SNN: variants seen among roughly 807,000 people sequenced by gnomAD.
SNN encodes the protein stannin.
In SNN, 5 loss-of-function variants were observed where a neutral mutation model predicts 5.3. That is an observed-to-expected ratio of 0.94 (90% CI 0.49 to 1.97). The LOEUF (loss-of-function observed/expected upper bound fraction) is 1.97, where lower values mean the gene tolerates loss of function less well. SNN is among the 30% of genes most tolerant of loss of function. SNN has a pLI of 0.01. For missense variants in SNN, 127 were observed against 121.6 expected (o/e 1.04, Z -0.21); for synonymous variants, 67 against 52.1 (o/e 1.29, Z -1.24).
At chr16:11,670,258 G>T (rs1386464604) in intron 1 of SNN, among the ~76,000 whole-genome samples, 1 of 152,182 alleles carries the variant, frequency 6.6e-6, no homozygotes, top group African/African-American at 2.4e-5. Flanking sequence ...GGGATGGCTG[G>T]TCCCCTGTAA....
intron 1 of SNN, among the ~76,000 whole-genome samples, chr16:11,669,592 G>A (rs2050253177): frequency 2.0e-5 from 3 of 152,204 alleles, no homozygotes; most frequent in Admixed American, 6.5e-5. Flanking sequence ...GTTGTCTTGA[G>A]GCAGAAAGGA....
rs1023171005 is a variant in SNN, at chr16:11,671,704, G to C, written c.-86+3164G>C. 1.3e-5 allele frequency among the ~76,000 whole-genome samples: 2 copies of C among 152,208 alleles called. No individual in the cohort carries two copies. Among genetic ancestry groups the C allele is most frequent in the Non-Finnish European group, 2.9e-5 (2 of 68,036 alleles). On this transcript the variant is annotated intron_variant, in intron 1 of 1. Transcript: ENST00000329565. This position sits in a 1 kb window ranked among gnomAD's most constrained non-coding sequence, Gnocchi z 4.7. ...GGCCCGTCCCTGTCCCCTGCATCCTGTGGGCTTTACTGGATCAGGGCGAGG... is the reference window on the plus strand; with the variant it reads ...GGCCCGTCCCTGTCCCCTGCATCCTCTGGGCTTTACTGGATCAGGGCGAGG...
chr16:11,676,294 A>T lies in SNN; in HGVS notation c.235A>T (p.Met79Leu), dbSNP rs778111679. 11 of 1,614,002 alleles carry T rather than the reference A, an allele frequency of 6.8e-6. No homozygotes were observed. The Admixed American group carries it at 1.8e-4, about 27-fold the overall frequency. Residue 79 changes from methionine to leucine, a missense_variant, in exon 2 of 2, where the codon ATG becomes TTG. Physicochemically the swap from Met to Leu is conservative, Grantham distance 15. Coordinates refer to ENST00000329565, the MANE Select transcript of SNN (RefSeq NM_003498.6). ...GPCVERKAKL[M>L]TPNGPEVHG ...GTGCGTGGAGAGAAAGGCCAAGCTG[A>T]TGACTCCCAACGGCCCGGAAGTCCA...
At position 11,671,997 on chromosome 16, in the gene SNN, T is replaced by G. The variant is rs2050268950; in HGVS notation, c.-86+3457T>G. Among the ~76,000 whole-genome samples the G allele has an allele frequency of 6.6e-6, 1 of 152,218 alleles. No individual in the cohort carries two copies. Among genetic ancestry groups the G allele is most frequent in the African/African-American group, 2.4e-5 (1 of 41,458 alleles). On this transcript the variant is annotated intron_variant, in intron 1 of 1. Transcript: ENST00000329565. The surrounding 1 kb of genome is among the most constrained non-coding windows in gnomAD (Gnocchi z 4.7). ...AGGCCTGCAGCCTTCTCCCATGCAG[T>G]CTGCCGGCTTTTTTGAGTCTGTTGG...
chr16:11,676,021 C>A lies in SNN; in HGVS notation c.-39C>A. 6.5e-7 allele frequency: 1 copy of A among 1,542,730 alleles called. No individual in the cohort carries two copies. The highest frequency in any genetic ancestry group is 8.8e-7 in the Non-Finnish European group (1 of 1,142,182). The stretch of plus-strand genomic sequence containing the variant: ...TTCCAGCCTCACTGAGTGGCCACCC[C>A]CAAAGTGCTGCCAGCCGAGGAAGCC... On this transcript the variant is annotated 5_prime_UTR_variant, in exon 2 of 2. Transcript: ENST00000329565.
Position 11,672,558 on chromosome 16 carries a change from G to C in SNN, c.-85-3417G>C, listed in dbSNP as rs2050272359. Among the ~76,000 whole-genome samples, 1 of 152,210 alleles carries C rather than the reference G, an allele frequency of 6.6e-6. No individual in the cohort carries two copies. The highest frequency in any genetic ancestry group is 2.4e-5 in the African/African-American group (1 of 41,450). ...TTGGTGCTGGGGAGGATTCTGAGTGGGGAGAACGCCATCACATTTTTGCAA... is the reference window on the plus strand; with the variant it reads ...TTGGTGCTGGGGAGGATTCTGAGTGCGGAGAACGCCATCACATTTTTGCAA... On this transcript the variant is annotated intron_variant, in intron 1 of 1. Transcript: ENST00000329565. This position sits in a 1 kb window ranked among gnomAD's most constrained non-coding sequence, Gnocchi z 6.0.
rs1384858905 is a variant in SNN at position 11,678,931 on chromosome 16, T to C, written c.*2605T>C. 8.6e-6 allele frequency: 4 copies of C among 465,544 alleles called. No individual in the cohort carries two copies. Among genetic ancestry groups the C allele is most frequent in the Non-Finnish European group, 1.6e-5 (4 of 253,218 alleles). The allele number at this position is 465,544 out of a possible 1,614,324, so 28.8% of individuals were successfully genotyped here. The stretch of plus-strand genomic sequence containing the variant: ...CAGTGGGGGCACAGGGAGGGAACTC[T>C]TGACACTGAGCCACTAAAATATGGA... On this transcript the variant is annotated 3_prime_UTR_variant, in exon 2 of 2. Transcript: ENST00000329565.
intron 1 of SNN, among the ~76,000 whole-genome samples, chr16:11,670,220 G>T (rs994276025): frequency 5.9e-5 from 8 of 136,004 alleles, no homozygotes; most frequent in African/African-American, 2.1e-4. Flanking sequence ...GTGGCTTTAT[G>T]GGGGGAGGCA....
rs1381807574 is a variant in SNN at position 11,679,068 on chromosome 16, T to C, written c.*2742T>C. 10 of 1,026,260 alleles carry C rather than the reference T, an allele frequency of 9.7e-6. No homozygotes were observed. Among genetic ancestry groups the C allele is most frequent in the Non-Finnish European group, 1.4e-5 (10 of 710,960 alleles). The allele number at this position is 1,026,260 out of a possible 1,614,324, so 63.6% of individuals were successfully genotyped here. A position where few individuals can be genotyped will look rare whatever the true frequency, so the allele number is the denominator to read the frequency against. On this transcript the variant is annotated 3_prime_UTR_variant, in exon 2 of 2. Transcript: ENST00000329565. The surrounding 1 kb of genome is among the most constrained non-coding windows in gnomAD (Gnocchi z 4.6). ...TCATCCTTCTTCAATAAATGCTGAA[T>C]GACATTCAAGCTGATTTTCTAGACC...
At chr16:11,673,715 C>G (rs1255202822) in intron 1 of SNN, among the ~76,000 whole-genome samples, 1 of 152,202 alleles carries the variant, frequency 6.6e-6, no homozygotes, top group African/African-American at 2.4e-5. Flanking sequence ...TGGGCAGGGG[C>G]AACTGCCTGG....
rs1018634619 is a variant in SNN, at chr16:11,672,482, C to T, written c.-85-3493C>T. Among the ~76,000 whole-genome samples, 1 of 152,090 alleles carries T rather than the reference C, an allele frequency of 6.6e-6. No homozygotes were observed. The highest frequency in any genetic ancestry group is 2.4e-5 in the African/African-American group (1 of 41,404). ...CAGGGCAGAGGTGGGAGCGTGGGCT[C>T]GCAGCGGAGGGTGTGGGGACGCCTG... On this transcript the variant is annotated intron_variant, in intron 1 of 1. Transcript: ENST00000329565. The surrounding 1 kb of genome is among the most constrained non-coding windows in gnomAD (Gnocchi z 6.0).
intron 1 of SNN, among the ~76,000 whole-genome samples, chr16:11,674,736 C>G (rs904458921): frequency 7.2e-5 from 11 of 152,236 alleles, no homozygotes; most frequent in African/African-American, 2.2e-4. Flanking sequence ...CCTTCAGAGC[C>G]TTAGCCCTCA....
Position 11,679,135 on chromosome 16 carries a change from G to C in SNN, c.*2809G>C, listed in dbSNP as rs2050337822. On this transcript the variant is annotated 3_prime_UTR_variant, in exon 2 of 2. Coordinates refer to ENST00000329565, the MANE Select transcript of SNN (RefSeq NM_003498.6). The surrounding 1 kb of genome is among the most constrained non-coding windows in gnomAD (Gnocchi z 4.6). ...TTTACAATAAATTTCAATAAAATTT[G>C]CATAAATATATTCCCAATGTACAAT... is the stretch of plus-strand genomic sequence containing the variant. 1 of 1,511,248 alleles carries C rather than the reference G, an allele frequency of 6.6e-7. No homozygotes were observed. The allele number at this position is 1,511,248 out of a possible 1,614,324, so 93.6% of individuals were successfully genotyped here.
Position 11,672,255 on chromosome 16 carries a change from C to T in SNN, c.-86+3715C>T, listed in dbSNP as rs1200217140. Among the ~76,000 whole-genome samples, 5 of 152,076 alleles carry T rather than the reference C, an allele frequency of 3.3e-5. No homozygotes were observed. Among genetic ancestry groups the T allele is most frequent in the African/African-American group, 4.8e-5 (2 of 41,394 alleles). On this transcript the variant is annotated intron_variant, in intron 1 of 1. Transcript: ENST00000329565. The surrounding 1 kb of genome is among the most constrained non-coding windows in gnomAD (Gnocchi z 6.0). ...CCTTGGACTGCCTTGGAGTCCAGTG[C>T]GGGGAGTGAGACAGCAGCCAGGGGA...
At chr16:11,675,328 T>TA (rs2050293478) in intron 1 of SNN, among the ~76,000 whole-genome samples, 1 of 146,134 alleles carries the variant, frequency 6.8e-6, no homozygotes, top group African/African-American at 2.5e-5. Context: ...AGCGCAGTGG[T>TA]GAGATCTCGG....
At chr16:11,670,464 G>A (rs1470427261) in intron 1 of SNN, among the ~76,000 whole-genome samples, 4 of 152,186 alleles carry the variant, frequency 2.6e-5, no homozygotes, top group Non-Finnish European at 5.9e-5. Context: ...GGCCCTGGGG[G>A]TGGGCTTGGG....
intron 1 of SNN, among the ~76,000 whole-genome samples, chr16:11,670,738 C>A (rs1270199399): frequency 6.6e-6 from 1 of 152,202 alleles, no homozygotes; most frequent in Non-Finnish European, 1.5e-5. Flanking sequence ...ATGGAGGGGA[C>A]TCCAGCCTGC....
chr16:11,670,584 T>G (rs1242076570), intron 1 of SNN, among the ~76,000 whole-genome samples: 3 of 152,212 alleles, frequency 2.0e-5, no homozygotes, highest in African/African-American at 7.2e-5. Flanking sequence ...TTCACTTTTC[T>G]TACCACTTCT....
chr16:11,675,258 CTTTTTTTTT>C (rs769141223), intron 1 of SNN, among the ~76,000 whole-genome samples: 32 of 125,318 alleles, frequency 2.6e-4, no homozygotes, highest in Admixed American at 2.2e-3. Context: ...TTTTTTTTTT[CTTTTTTTTT>C]TTTTTTTTTT....
Sources: gnomAD v4.1 joint callset for allele counts (sites outside exome capture counted in the v4.1 genomes callset) on GRCh38, gnomAD v4.1.1 for gene constraint, Gnocchi (gnomAD v3.1) non-coding constraint, MANE v1.5 for transcripts, NCBI Gene and HGNC (gene_info 2026-07-23, HGNC 2026-07-21) for gene names.